WEE2: variants seen among roughly 807,000 people sequenced by gnomAD.
WEE2 encodes wee1-like protein kinase 2.
In WEE2, 50 loss-of-function variants were observed where a neutral mutation model predicts 60.1. The observed-to-expected ratio is 0.83, with a 90% confidence interval of 0.66 to 1.05. WEE2 has a LOEUF of 1.05. Ranked by LOEUF, WEE2 falls within the 50% of genes least tolerant of loss-of-function variation. The pLI is 0.00. For missense variants in WEE2, 631 were observed against 684.3 expected (o/e 0.92, Z 0.87); for synonymous variants, 240 against 241.0 (o/e 1.00, Z 0.04).
rs1446375580 is a variant in WEE2, at chr7:141,719,151, A to G, written c.665A>G (p.Glu222Gly). 3.7e-6 allele frequency: 6 copies of G among 1,613,992 alleles called. No individual in the cohort carries two copies. Among genetic ancestry groups the G allele is most frequent in the Non-Finnish European group, 4.2e-6 (5 of 1,179,992 alleles). Residue 222 changes from glutamate (E) to glycine (G), a missense_variant, in exon 4 of 12, where the codon GAA (glutamate) becomes GGA (glycine). Physicochemically the swap from Glu to Gly is moderately conservative, Grantham distance 98. Coordinates refer to ENST00000397541, the MANE Select transcript of WEE2 (RefSeq NM_001105558.1). ...GAGGTTGAAAAAATTGGGGTTGGCGAATTTGGTACAGTCTACAAGTGCATT... is the reference window on the plus strand; with the variant it reads ...GAGGTTGAAAAAATTGGGGTTGGCGGATTTGGTACAGTCTACAAGTGCATT... ...FLEVEKIGVG[E>G]FGTVYKCIKR...
rs543807984 is a variant in WEE2 at position 141,717,648 on chromosome 7, A to G, written c.585+1381A>G. On this transcript the variant is annotated intron_variant, in intron 3 of 11. Coordinates refer to ENST00000397541, the MANE Select transcript of WEE2 (RefSeq NM_001105558.1). ...GTGTATGTACATATGTGCAATGTGA[A>G]TATACATATGCGTGTATATCTTTAA... 2.6e-5 allele frequency among the ~76,000 whole-genome samples: 4 copies of G among 152,360 alleles called. No individual in the cohort carries two copies. In the South Asian group the frequency reaches 8.3e-4, roughly 32 times the overall value.
intron 3 of WEE2, 68 bp from the exon 4 acceptor site, chr7:141,719,004 A>G: frequency 6.6e-7 from 1 of 1,504,988 alleles, no homozygotes. Flanking sequence ...GGACTGTAAT[A>G]CTGTTTAATT....
At chr7:141,729,745 T>C in intron 11 of WEE2, 72 bp downstream of exon 11, 1 of 1,527,068 alleles carries the variant, frequency 6.5e-7, no homozygotes, top group East Asian at 2.3e-5. Flanking sequence ...TCCCAACACT[T>C]TGGGAGGCCA....
chr7:141,720,784 T>C, intron 4 of WEE2, 151 bp from the exon 5 acceptor site: 1 of 901,538 alleles, frequency 1.1e-6, no homozygotes, highest in Non-Finnish European at 1.7e-6. Flanking sequence ...CAAATGATTA[T>C]TAAGATTCAA....
chr7:141,725,714 T>C (rs1159011305), intron 9 of WEE2, among the ~76,000 whole-genome samples: 2 of 152,006 alleles, frequency 1.3e-5, no homozygotes, highest in African/African-American at 4.8e-5. Context: ...AATCTTTTCA[T>C]GCTTAGTTTA....
At chr7:141,723,589 A>G (rs1224981739) in intron 6 of WEE2, among the ~76,000 whole-genome samples, 3 of 152,230 alleles carry the variant, frequency 2.0e-5, no homozygotes, top group Admixed American at 1.3e-4. Flanking sequence ...GACTAGGGCT[A>G]TACTCATTCT....
In WEE2 at chr7:141,727,360, T is replaced by C; in HGVS notation, c.1449T>C (p.Asn483=). Residue 483 remains asparagine (N), a synonymous_variant, in exon 10 of 12, where the codon AAT becomes AAC. Coordinates refer to ENST00000397541, the MANE Select transcript of WEE2 (RefSeq NM_001105558.1). ...QRPSAAALAR[N]TVLRPSLGKT... Reference sequence around the variant, plus strand: ...CTTCTGCAGCAGCTCTGGCCAGAAATACAGTTCTCCGGCCTTCCCTGGGAA... The same window carrying C: ...CTTCTGCAGCAGCTCTGGCCAGAAACACAGTTCTCCGGCCTTCCCTGGGAA... 1.2e-6 allele frequency: 2 copies of C among 1,614,080 alleles called. No homozygotes were observed. Among genetic ancestry groups the C allele is most frequent in the Non-Finnish European group, 1.7e-6 (2 of 1,180,024 alleles).
At chr7:141,722,141 C>T (rs915930509) in intron 5 of WEE2, among the ~76,000 whole-genome samples, 94 of 152,234 alleles carry the variant, frequency 6.2e-4, no homozygotes, top group African/African-American at 2.1e-3. Flanking sequence ...CGCAATGGCT[C>T]ATGCCTGTAA....
Position 141,718,469 on chromosome 7 carries a change from T to C in WEE2, c.586-603T>C, listed in dbSNP as rs544751733. On this transcript the variant is annotated intron_variant, in intron 3 of 11. Transcript: ENST00000397541. ...TTCAGATTGGCCTGGGGTTATTTAC[T>C]ACCTGGGCAATGAATGATGTTGCTA... 1.2e-4 allele frequency among the ~76,000 whole-genome samples: 19 copies of C among 152,300 alleles called. No homozygotes were observed. In the South Asian group the frequency reaches 3.9e-3, roughly 32 times the overall value.
Position 141,723,227 on chromosome 7 carries a change from T to C in WEE2, c.974T>C (p.Leu325Pro), listed in dbSNP as rs756644167. Residue 325 changes from leucine (L) to proline (P), a missense_variant, in exon 6 of 12, where the codon CTT becomes CCT. Leu to Pro is a moderately conservative substitution (Grantham distance 98). Coordinates refer to ENST00000397541, the MANE Select transcript of WEE2 (RefSeq NM_001105558.1). Reference sequence around the variant, plus strand: ...AAGGACATCCTTCTACAGATTTCCCTTGGCCTTAATTACATCCACAACTCT... The same window carrying C: ...AAGGACATCCTTCTACAGATTTCCCCTGGCCTTAATTACATCCACAACTCT... Reference protein sequence around the residue: ...KLKDILLQISLGLNYIHNSSM... With the variant: ...KLKDILLQISPGLNYIHNSSM... 6.2e-7 allele frequency: 1 copy of C among 1,614,190 alleles called. No individual in the cohort carries two copies. The highest frequency in any genetic ancestry group is 1.1e-5 in the South Asian group (1 of 91,086).
chr7:141,709,762 TAAGC>T (rs1206097223), intron 1 of WEE2, among the ~76,000 whole-genome samples: 1 of 152,146 alleles, frequency 6.6e-6, no homozygotes, highest in East Asian at 1.9e-4. Context: ...GGATGGCAAA[TAAGC>T]AAGAGTCCCT....
chr7:141,715,724 T>C (rs1390690473), intron 2 of WEE2, among the ~76,000 whole-genome samples: 4 of 151,740 alleles, frequency 2.6e-5, no homozygotes, highest in Admixed American at 2.0e-4. Context: ...GGAAAGAGAG[T>C]GTGGTGTGGC....
chr7:141,727,194 A>G, intron 9 of WEE2, 110 bp from the exon 10 acceptor site: 1 of 1,166,128 alleles, frequency 8.6e-7, no homozygotes, highest in Non-Finnish European at 1.2e-6. Context: ...AAGCAGAAGC[A>G]ATGTCTTACA....
chr7:141,716,028 G>T (rs1798788235), intron 2 of WEE2, among the ~76,000 whole-genome samples, 194 bp from the exon 3 acceptor site: 1 of 152,042 alleles, frequency 6.6e-6, no homozygotes, highest in Non-Finnish European at 1.5e-5. Flanking sequence ...ATAATTGAGT[G>T]CTGTCCATGG....
intron 11 of WEE2, 78 bp from the exon 12 acceptor site, chr7:141,730,217 C>A (rs1159215115): frequency 1.1e-5 from 15 of 1,361,282 alleles, no homozygotes; most frequent in Non-Finnish European, 1.4e-5. Context: ...TAATTGGAAG[C>A]CATTTCTCTT....
intron 3 of WEE2, among the ~76,000 whole-genome samples, chr7:141,717,093 T>C (rs1233553510): frequency 1.3e-5 from 2 of 152,218 alleles, no homozygotes; most frequent in Non-Finnish European, 2.9e-5. Context: ...CATGCGTATG[T>C]TAATGTTTAG....
At chr7:141,709,150 T>A (rs1259351476) in intron 1 of WEE2, 50 bp downstream of exon 1, 1 of 1,515,468 alleles carries the variant, frequency 6.6e-7, no homozygotes, top group Non-Finnish European at 9.0e-7. Flanking sequence ...AGCTCTGCTT[T>A]CCTGTAGTTT....
intron 2 of WEE2, among the ~76,000 whole-genome samples, chr7:141,714,776 G>T (rs1798769187): frequency 6.6e-6 from 1 of 152,200 alleles, no homozygotes; most frequent in African/African-American, 2.4e-5. Context: ...GTACGTTGCT[G>T]CTTTGAGTCT....
intron 6 of WEE2, among the ~76,000 whole-genome samples, chr7:141,723,645 T>G (rs1185268349): frequency 6.6e-6 from 1 of 152,186 alleles, no homozygotes; most frequent in East Asian, 1.9e-4. Context: ...CACTCATTAA[T>G]GTGAAACCCA....
Sources: gnomAD v4.1 joint callset for allele counts (sites outside exome capture counted in the v4.1 genomes callset) on GRCh38, gnomAD v4.1.1 for gene constraint, MANE v1.5 for transcripts, NCBI Gene and HGNC (gene_info 2026-07-23, HGNC 2026-07-21) for gene names.